The following MAU2 variants were observed in gnomAD, a reference collection of about 807,000 sequenced individuals.
The protein encoded by MAU2 is MAU2 sister chromatid cohesion factor.
Under a neutral mutation model 89.1 loss-of-function variants are expected in MAU2, and 9 were observed. The observed-to-expected ratio is 0.10, with a 90% CI of 0.06 to 0.18. The LOEUF (loss-of-function observed/expected upper bound fraction) is 0.18. Among genes scored for constraint, MAU2 ranks in the 10% least tolerant of loss-of-function variants. MAU2 has a pLI of 1.00. For synonymous variants in MAU2, 357 were observed against 343.4 expected, an observed-to-expected ratio of 1.04 and a Z score of -0.44; for missense variants, 425 against 803.5, an observed-to-expected ratio of 0.53 and a Z score of 5.69.
intron 1 of MAU2, among the ~76,000 whole-genome samples, chr19:19,323,880 C>G (rs1361412339): frequency 6.6e-6 from 1 of 152,200 alleles, no homozygotes; most frequent in African/African-American, 2.4e-5. Context: ...CAAGGCTGCA[C>G]AACAAGTTAT....
Position 19,342,901 on chromosome 19 carries a change from G to A in MAU2, c.973+35G>A, listed in dbSNP as rs113653692. 2.2e-3 allele frequency: 3,458 copies of A among 1,607,324 alleles called. 60 individuals carry two copies. In the African/African-American group the frequency reaches 0.039, roughly 18 times the overall value. Reference sequence around the variant, plus strand: ...GTGCTCGGCTGGCCACATGGCCACAGCGACCCCTGGCGGACGGCCTGGCCA... The same window carrying A: ...GTGCTCGGCTGGCCACATGGCCACAACGACCCCTGGCGGACGGCCTGGCCA... On this transcript the variant is annotated intron_variant, in intron 9 of 18. Transcript: ENST00000262815.
At chr19:19,332,524 C>T (rs1934863262) in intron 1 of MAU2, among the ~76,000 whole-genome samples, 1 of 151,994 alleles carries the variant, frequency 6.6e-6, no homozygotes, top group African/African-American at 2.4e-5. Flanking sequence ...CGCTAACTCA[C>T]AGTGGATCCA....
intron 1 of MAU2, among the ~76,000 whole-genome samples, chr19:19,326,688 A>AT (rs1462607077): frequency 2.5e-5 from 3 of 121,608 alleles, no homozygotes; most frequent in Non-Finnish European, 5.3e-5. Flanking sequence ...TGTCTCAAAA[A>AT]AAAATATATA....
intron 17 of MAU2, 33 bp downstream of exon 17, chr19:19,354,478 CCAGCCT>C: frequency 6.4e-7 from 1 of 1,571,078 alleles, no homozygotes; most frequent in Non-Finnish European, 8.7e-7. Flanking sequence ...TTCCCCAGCC[CCAGCCT>C]GGCCCTCCCC....
chr19:19,340,541 A>G (rs2061635546), intron 5 of MAU2, among the ~76,000 whole-genome samples: 1 of 152,078 alleles, frequency 6.6e-6, no homozygotes, highest in South Asian at 2.1e-4. Context: ...CAGGAGGCTG[A>G]GGCAGGAGAA....
chr19:19,326,712 A>G (rs377384094), intron 1 of MAU2, among the ~76,000 whole-genome samples: 12 of 115,342 alleles, frequency 1.0e-4, no homozygotes, highest in African/African-American at 3.7e-4. Flanking sequence ...GTATATATAT[A>G]TATATATACA....
chr19:19,343,558 A>G (rs1303419197), intron 9 of MAU2, among the ~76,000 whole-genome samples: 1 of 150,798 alleles, frequency 6.6e-6, no homozygotes, highest in African/African-American at 2.4e-5. Flanking sequence ...AGAACCTGCC[A>G]TGTCCACAAG....
At chr19:19,322,913 G>T (rs774388551) in intron 1 of MAU2, among the ~76,000 whole-genome samples, 11 of 151,982 alleles carry the variant, frequency 7.2e-5, no homozygotes, top group African/African-American at 2.4e-4. Context: ...ATTTTGAGAC[G>T]GAGTTTCGCT....
At chr19:19,344,806 C>T in intron 10 of MAU2, 43 bp from the exon 11 acceptor site, 2 of 1,545,528 alleles carry the variant, frequency 1.3e-6, no homozygotes, top group South Asian at 2.3e-5. Context: ...ACGCCAGGTC[C>T]CAGGTTGCAG....
At position 19,345,511 on chromosome 19, in the gene MAU2, C is replaced by T. The variant is rs2045071521; in HGVS notation, c.1221+142C>T. The T allele has an allele frequency of 3.8e-6, 3 of 781,688 alleles. No individual in the cohort carries two copies. Among genetic ancestry groups the T allele is most frequent in the Non-Finnish European group, 4.3e-6 (2 of 464,250 alleles). 48.4% of individuals were successfully genotyped at this position (781,688 alleles called of 1,614,324 possible). A position where few individuals can be genotyped will look rare whatever the true frequency, so the allele number is the denominator to read the frequency against. ...CCAGAGGCAATGCACAGTAGTCAGC[C>T]CATGCCAGCCTTGGCAGTGACGCGC... On this transcript the variant is annotated intron_variant, in intron 12 of 18. Coordinates refer to ENST00000262815, the MANE Select transcript of MAU2 (RefSeq NM_015329.4). The surrounding 1 kb of genome is among the most constrained non-coding windows in gnomAD (Gnocchi z 4.9).
chr19:19,331,059 G>C (rs889437987), intron 1 of MAU2, among the ~76,000 whole-genome samples: 4 of 152,088 alleles, frequency 2.6e-5, no homozygotes, highest in African/African-American at 9.7e-5. Flanking sequence ...ACCCTCTCTT[G>C]CTTTCCCTGA....
rs1568672569 is a variant in MAU2, at chr19:19,357,436, G to GC, written c.*1660dup. ...CCTCTGCTAGCTCCACCTTGAAGGA[G>GC]CCCCCCACATCCTCCCCTACATCCC... On this transcript the variant is annotated 3_prime_UTR_variant, in exon 19 of 19. Transcript: ENST00000262815. The GC allele has an allele frequency of 1.3e-5, 2 of 152,680 alleles. No homozygotes were observed. Among genetic ancestry groups the GC allele is most frequent in the Admixed American group, 6.6e-5 (1 of 15,244 alleles). 9.5% of individuals were successfully genotyped at this position (152,680 alleles called of 1,614,324 possible). A position where few individuals can be genotyped will look rare whatever the true frequency, so the allele number is the denominator to read the frequency against.
In MAU2 at chr19:19,338,947, C is replaced by T. The variant is rs773416738; in HGVS notation, c.551+8C>T. On this transcript the variant is annotated splice_region_variant and intron_variant, in intron 5 of 18. Coordinates refer to ENST00000262815, the MANE Select transcript of MAU2 (RefSeq NM_015329.4). ...GGGATCTGAATACACACGGTAGGCA[C>T]CCACTCCCCTCCTTCCCTCCTGCTC... is the stretch of plus-strand genomic sequence containing the variant. 2 of 1,607,194 alleles carry T rather than the reference C, an allele frequency of 1.2e-6. No individual in the cohort carries two copies. The highest frequency in any genetic ancestry group is 4.5e-5 in the East Asian group (2 of 44,770).
intron 13 of MAU2, chr19:19,348,039 T>G (rs902135447): frequency 6.5e-6 from 1 of 153,358 alleles, no homozygotes; most frequent in Admixed American, 6.5e-5. Flanking sequence ...GTCCCTCAGT[T>G]CTAGTATCTC....
intron 1 of MAU2, among the ~76,000 whole-genome samples, chr19:19,325,268 C>T (rs938027614): frequency 1.1e-4 from 17 of 152,070 alleles, no homozygotes; most frequent in Admixed American, 7.9e-4. Flanking sequence ...CTCTGCCTCC[C>T]GGGTTCAAGC....
At chr19:19,330,324 G>A (rs1479940233) in intron 1 of MAU2, among the ~76,000 whole-genome samples, 1 of 151,990 alleles carries the variant, frequency 6.6e-6, no homozygotes, top group Non-Finnish European at 1.5e-5. Flanking sequence ...GCCAGGCATG[G>A]TGGCTCACGC....
chr19:19,345,430 C>T lies in MAU2; in HGVS notation c.1221+61C>T, dbSNP rs1281643225. 6.5e-6 allele frequency: 10 copies of T among 1,548,562 alleles called. No homozygotes were observed. The highest frequency in any genetic ancestry group is 1.4e-5 in the African/African-American group (1 of 73,774). On this transcript the variant is annotated intron_variant, in intron 12 of 18. Transcript: ENST00000262815. This position sits in a 1 kb window ranked among gnomAD's most constrained non-coding sequence, Gnocchi z 4.9. ...CCACACTTCTGAGTAAGGAGTCGGG[C>T]GTGGTCTGTGATGAGGACAGCAGTC... is the stretch of plus-strand genomic sequence containing the variant.
intron 1 of MAU2, among the ~76,000 whole-genome samples, chr19:19,328,627 T>C (rs1421372252): frequency 6.6e-6 from 1 of 152,040 alleles, no homozygotes; most frequent in African/African-American, 2.4e-5. Context: ...TTCACCATGT[T>C]AGCCAGGATG....
chr19:19,355,695 C>G lies in MAU2; in HGVS notation c.1768-13C>G, dbSNP rs777915427. ...CCACAGTGCCTCACTCGCATGTCCT[C>G]TCCTCCCCACAGTGGACAGACGGTC... is the stretch of plus-strand genomic sequence containing the variant. On this transcript the variant is annotated splice_polypyrimidine_tract_variant and intron_variant, in intron 18 of 18. Coordinates refer to ENST00000262815, the MANE Select transcript of MAU2 (RefSeq NM_015329.4). The G allele has an allele frequency of 6.2e-7, 1 of 1,604,994 alleles. No homozygotes were observed. Among genetic ancestry groups the G allele is most frequent in the South Asian group, 1.1e-5 (1 of 90,772 alleles).
Sources: allele counts gnomAD v4.1 joint callset (sites outside exome capture counted in the v4.1 genomes callset), GRCh38; gene constraint gnomAD v4.1.1; non-coding constraint Gnocchi (gnomAD v3.1); transcripts MANE v1.5; gene names NCBI Gene and HGNC (gene_info 2026-07-23, HGNC 2026-07-21).